RBFOX1: variants seen among roughly 807,000 people sequenced by gnomAD.
RBFOX1 encodes RNA binding fox-1 homolog 1.
A neutral mutation model predicts 57.7 loss-of-function variants in RBFOX1; 8 were observed. The observed-to-expected ratio is 0.14, with a 90% confidence interval of 0.08 to 0.25. The LOEUF is 0.25. Among genes scored for constraint, RBFOX1 ranks in the 10% least tolerant of loss-of-function variants. The probability of loss-of-function intolerance (pLI) is 1.00; values close to 1 mark genes in which losing one functional copy is unlikely to be tolerated. For missense variants in RBFOX1, 611 were observed against 548.5 expected (o/e 1.11, Z -1.14); for synonymous variants, 326 against 222.4 (o/e 1.47, Z -4.15).
chr16:7,250,375 T>G (rs537747712), intron 4 of RBFOX1, among the ~76,000 whole-genome samples: 2 of 152,366 alleles, frequency 1.3e-5, no homozygotes, highest in African/African-American at 4.8e-5. Flanking sequence ...GATTAAATGC[T>G]TTAAAGCCAG....
intron 4 of RBFOX1, among the ~76,000 whole-genome samples, chr16:7,090,795 G>A (rs1473083470): frequency 6.6e-6 from 1 of 152,112 alleles, no homozygotes; most frequent in Non-Finnish European, 1.5e-5. Context: ...TCTTGGAAAA[G>A]CAGGGAAGTC....
At chr16:5,689,369 G>C (rs2050599572) in intron 3 of RBFOX1, among the ~76,000 whole-genome samples, 1 of 152,158 alleles carries the variant, frequency 6.6e-6, no homozygotes, top group South Asian at 2.1e-4. Flanking sequence ...ACAGTGCCTG[G>C]GTTACAGGAA....
intron 4 of RBFOX1, among the ~76,000 whole-genome samples, chr16:7,398,945 ACT>A (rs2098189302): frequency 6.6e-6 from 1 of 152,080 alleles, no homozygotes; most frequent in Non-Finnish European, 1.5e-5. Flanking sequence ...ATAGAAATTT[ACT>A]CTCTTCCAAT....
intron 12 of RBFOX1, among the ~76,000 whole-genome samples, chr16:7,655,316 T>TAGTC (rs559123670): frequency 3.1e-4 from 47 of 152,278 alleles, no homozygotes; most frequent in Middle Eastern, 6.8e-3. Context: ...ATTTCTTGTG[T>TAGTC]AGTCATTTGA....
chr16:7,559,298 T>C (rs533526587), intron 5 of RBFOX1, among the ~76,000 whole-genome samples: 2 of 148,420 alleles, frequency 1.3e-5, no homozygotes, highest in African/African-American at 5.3e-5. Context: ...TTATATACAT[T>C]ATACATCTCT....
rs58352204 is a variant in RBFOX1 at position 6,478,429 on chromosome 16, A to ATT, written c.-64+161389_-64+161390dup. Among the ~76,000 whole-genome samples the ATT allele has an allele frequency of 2.2e-3, 53 of 24,608 alleles. 2 individuals carry two copies. The highest frequency in any genetic ancestry group is 2.5e-3 in the African/African-American group (20 of 7,848). 16.1% of individuals were successfully genotyped at this position (24,608 alleles called of 152,430 possible). A position where few individuals can be genotyped will look rare whatever the true frequency, so the allele number is the denominator to read the frequency against. On this transcript the variant is annotated intron_variant, in intron 2 of 15. Coordinates refer to ENST00000550418, the MANE Select transcript of RBFOX1 (RefSeq NM_018723.4). ...TATATATATATATATATATATATAT[A>ATT]TTTTTTTTTTTTTTTTTTGTATTTT...
intron 3 of RBFOX1, among the ~76,000 whole-genome samples, chr16:6,996,196 T>G (rs1292183047): frequency 1.3e-5 from 2 of 152,232 alleles, no homozygotes; most frequent in African/African-American, 4.8e-5. Flanking sequence ...ATTGCCTTTT[T>G]GATTTCCTAG....
chr16:6,406,803 G>A (rs944790070), intron 2 of RBFOX1, among the ~76,000 whole-genome samples: 1 of 152,122 alleles, frequency 6.6e-6, no homozygotes, highest in Non-Finnish European at 1.5e-5. Context: ...GATCCATTCA[G>A]AGCTGGAAAA....
At chr16:5,797,257 A>G (rs373917079) in intron 3 of RBFOX1, among the ~76,000 whole-genome samples, 1 of 152,190 alleles carries the variant, frequency 6.6e-6, no homozygotes, top group African/African-American at 2.4e-5. Context: ...TAAACTACAT[A>G]GACTGGATTT....
At chr16:5,625,682 T>C (rs913203491) in intron 3 of RBFOX1, among the ~76,000 whole-genome samples, 39 of 145,668 alleles carry the variant, frequency 2.7e-4, no homozygotes, top group African/African-American at 9.9e-4. Flanking sequence ...CTCAGCCTCC[T>C]GAGTAGCTGG....
intron 1 of RBFOX1, among the ~76,000 whole-genome samples, chr16:5,415,211 C>T (rs1165508263): frequency 1.3e-5 from 2 of 152,052 alleles, no homozygotes; most frequent in Non-Finnish European, 2.9e-5. Flanking sequence ...GCTGGGGAGA[C>T]CTCAGGAAAC....
chr16:6,975,528 A>C (rs1176447871), intron 3 of RBFOX1, among the ~76,000 whole-genome samples: 1 of 152,096 alleles, frequency 6.6e-6, no homozygotes, highest in Non-Finnish European at 1.5e-5. Flanking sequence ...TGGCCTCCCA[A>C]AGTGCTGGGA....
At chr16:7,335,202 A>G (rs1230047284) in intron 4 of RBFOX1, among the ~76,000 whole-genome samples, 1 of 152,216 alleles carries the variant, frequency 6.6e-6, no homozygotes, top group Non-Finnish European at 1.5e-5. Flanking sequence ...TTCTGCTGCC[A>G]GCTGTCCTGC....
chr16:6,838,299 A>G (rs2093252381), intron 3 of RBFOX1, among the ~76,000 whole-genome samples: 1 of 151,800 alleles, frequency 6.6e-6, no homozygotes, highest in African/African-American at 2.4e-5. Context: ...TGTTCCTGTG[A>G]TGGTTTGCTG....
intron 1 of RBFOX1, among the ~76,000 whole-genome samples, chr16:6,282,455 G>A (rs141929344): frequency 6.7e-6 from 1 of 150,244 alleles, no homozygotes; most frequent in Non-Finnish European, 1.5e-5. Context: ...GTGCCATGGT[G>A]GTTTGCTGCA....
chr16:6,499,478 G>T (rs771104979), intron 2 of RBFOX1, among the ~76,000 whole-genome samples: 2 of 152,122 alleles, frequency 1.3e-5, no homozygotes, highest in Admixed American at 1.3e-4. Flanking sequence ...AGGGACAATG[G>T]TATTAGATTT....
At chr16:6,585,211 C>T (rs2097590680) in intron 2 of RBFOX1, among the ~76,000 whole-genome samples, 1 of 152,140 alleles carries the variant, frequency 6.6e-6, no homozygotes, top group Non-Finnish European at 1.5e-5. Context: ...CAAAACAATT[C>T]CTTAATAGAT....
intron 2 of RBFOX1, among the ~76,000 whole-genome samples, chr16:6,434,665 A>G (rs1335928927): frequency 2.6e-5 from 4 of 152,254 alleles, no homozygotes; most frequent in African/African-American, 4.8e-5. Context: ...TGTAAATATG[A>G]TAAACACATC....
chr16:6,234,958 A>T (rs1271326115), intron 1 of RBFOX1, among the ~76,000 whole-genome samples: 1 of 152,220 alleles, frequency 6.6e-6, no homozygotes, highest in Non-Finnish European at 1.5e-5. Flanking sequence ...TAAATTGTGC[A>T]TAGGAGGACT....
Sources: gnomAD v4.1 joint callset for allele counts (sites outside exome capture counted in the v4.1 genomes callset) on GRCh38, gnomAD v4.1.1 for gene constraint, MANE v1.5 for transcripts, NCBI Gene and HGNC (gene_info 2026-07-23, HGNC 2026-07-21) for gene names.